The following AGMO variants were observed in gnomAD, a reference collection of about 807,000 sequenced individuals.
AGMO encodes the protein alkylglycerol monooxygenase, also known as glyceryl-ether monooxygenase.
Under a neutral mutation model 60.2 loss-of-function variants are expected in AGMO, and 75 were observed. The observed-to-expected ratio is 1.25, with a 90% CI of 1.03 to 1.51. AGMO has a LOEUF of 1.51. AGMO is among the 40% of genes most tolerant of loss of function. The probability of loss-of-function intolerance (pLI) is 0.00; values close to 1 mark genes in which losing one functional copy is unlikely to be tolerated. For missense variants in AGMO, 763 were observed against 525.5 expected (o/e 1.45, Z -4.42); for synonymous variants, 261 against 177.1 (o/e 1.47, Z -3.76).
intron 3 of AGMO, among the ~76,000 whole-genome samples, chr7:15,434,824 T>C (rs781701327): frequency 4.6e-5 from 7 of 152,082 alleles, no homozygotes; most frequent in Non-Finnish European, 1.0e-4. Flanking sequence ...TTACAAGCAA[T>C]AGATAATTAA....
chr7:15,370,928 A>T (rs538872801), intron 10 of AGMO, among the ~76,000 whole-genome samples: 43 of 152,106 alleles, frequency 2.8e-4, no homozygotes, highest in African/African-American at 1.0e-3. Context: ...TTTTTGTTGT[A>T]GTTGCTTTTG....
chr7:15,414,924 A>G (rs111571441), intron 5 of AGMO, among the ~76,000 whole-genome samples: 1,544 of 152,234 alleles, frequency 0.01, 22 homozygotes, highest in African/African-American at 0.035. Flanking sequence ...ATGGGGCTAT[A>G]GTGGTTATGT....
chr7:15,402,836 A>G (rs1784588649), intron 5 of AGMO, among the ~76,000 whole-genome samples: 1 of 151,688 alleles, frequency 6.6e-6, no homozygotes, highest in South Asian at 2.1e-4. Context: ...TATTTGCATA[A>G]CAAGAGAGCA....
intron 12 of AGMO, among the ~76,000 whole-genome samples, chr7:15,221,739 T>G (rs1781929706): frequency 6.6e-6 from 1 of 152,146 alleles, no homozygotes; most frequent in Non-Finnish European, 1.5e-5. Flanking sequence ...AAATTAAATT[T>G]AAGCATCTGC....
At chr7:15,314,915 G>A (rs1583396884) in intron 12 of AGMO, among the ~76,000 whole-genome samples, 1 of 152,262 alleles carries the variant, frequency 6.6e-6, no homozygotes, top group Non-Finnish European at 1.5e-5. Context: ...GATTACAAAA[G>A]TGAGAAGGAT....
At chr7:15,248,037 T>C (rs997519445) in intron 12 of AGMO, among the ~76,000 whole-genome samples, 1 of 150,716 alleles carries the variant, frequency 6.6e-6, no homozygotes, top group African/African-American at 2.4e-5. Flanking sequence ...GCAAGCAGAA[T>C]AACAGAATGC....
chr7:15,209,369 CAA>C (rs753559065), intron 12 of AGMO, among the ~76,000 whole-genome samples: 4 of 137,980 alleles, frequency 2.9e-5, no homozygotes, highest in African/African-American at 8.6e-5. Flanking sequence ...ATGTAGGAAA[CAA>C]AAAAAAGTCT....
intron 12 of AGMO, among the ~76,000 whole-genome samples, chr7:15,341,567 C>T (rs1781848983): frequency 6.6e-6 from 1 of 152,154 alleles, no homozygotes. Context: ...CTGGGCCCTC[C>T]AAACTGTTCC....
chr7:15,355,793 C>T (rs1057177657), intron 12 of AGMO, among the ~76,000 whole-genome samples: 7 of 151,950 alleles, frequency 4.6e-5, no homozygotes, highest in East Asian at 1.9e-4. Flanking sequence ...AAACCATTTG[C>T]GTGCAGTCCA....
At chr7:15,161,299 A>T in the AGMO span, among the ~76,000 whole-genome samples, 2 of 152,306 alleles carry the variant, frequency 1.3e-5, no homozygotes, top group Non-Finnish European at 2.9e-5. Flanking sequence ...CTTTGCAAGA[A>T]AAAAGACAAA....
At chr7:15,382,443 T>C (rs1268977884) in intron 10 of AGMO, among the ~76,000 whole-genome samples, 1 of 152,142 alleles carries the variant, frequency 6.6e-6, no homozygotes, top group Non-Finnish European at 1.5e-5. Context: ...CTGATGTTAG[T>C]TATGGGTTTA....
chr7:15,326,489 A>G (rs1427614356), intron 12 of AGMO, among the ~76,000 whole-genome samples: 2 of 152,178 alleles, frequency 1.3e-5, no homozygotes, highest in East Asian at 3.9e-4. Flanking sequence ...GCCTCTTCGC[A>G]TTCTACCTAT....
chr7:15,242,199 A>G (rs1189394234), intron 12 of AGMO, among the ~76,000 whole-genome samples: 1 of 152,170 alleles, frequency 6.6e-6, no homozygotes, highest in Non-Finnish European at 1.5e-5. Flanking sequence ...ATATTATCAT[A>G]TTCACAAATC....
At chr7:15,418,487 C>A in intron 5 of AGMO, 71 bp downstream of exon 5, 1 of 887,668 alleles carries the variant, frequency 1.1e-6, no homozygotes, top group South Asian at 1.5e-5. Flanking sequence ...AAATCATCTG[C>A]TAGTGGATTT....
downstream of AGMO, among the ~76,000 whole-genome samples, chr7:15,198,476 C>T (rs572202734): frequency 1.4e-4 from 21 of 152,234 alleles, no homozygotes; most frequent in African/African-American, 4.3e-4. Context: ...GAAATGTAAT[C>T]GCCCAATGGG....
intron 12 of AGMO, among the ~76,000 whole-genome samples, chr7:15,273,450 C>A (rs997732566): frequency 5.3e-5 from 8 of 151,778 alleles, no homozygotes; most frequent in African/African-American, 1.5e-4. Context: ...GATATTATTT[C>A]TGAGGGCTTT....
intron 3 of AGMO, among the ~76,000 whole-genome samples, chr7:15,474,749 A>G (rs907265268): frequency 6.6e-6 from 1 of 152,150 alleles, no homozygotes; most frequent in Non-Finnish European, 1.5e-5. Flanking sequence ...CTGTCATCAG[A>G]GTGAACAGAC....
chr7:15,494,126 G>A (rs898284423), intron 3 of AGMO, among the ~76,000 whole-genome samples: 9 of 152,114 alleles, frequency 5.9e-5, no homozygotes, highest in South Asian at 2.1e-4. Flanking sequence ...CTAGGATTTG[G>A]CATAGTATAC....
At chr7:15,272,863 G>C (rs1406724474) in intron 12 of AGMO, among the ~76,000 whole-genome samples, 1 of 152,118 alleles carries the variant, frequency 6.6e-6, no homozygotes, top group Admixed American at 6.5e-5. Flanking sequence ...TTGTGGTTTT[G>C]ATTTGCATTT....
Sources: gnomAD v4.1 joint callset for allele counts (sites outside exome capture counted in the v4.1 genomes callset) on GRCh38, gnomAD v4.1.1 for gene constraint, MANE v1.5 for transcripts, NCBI Gene and HGNC (gene_info 2026-07-23, HGNC 2026-07-21) for gene names.